DAAM2: variants seen among roughly 807,000 people sequenced by gnomAD.
DAAM2 encodes disheveled-associated activator of morphogenesis 2.
DAAM2 carries 39 observed loss-of-function variants against 120.7 expected under a neutral mutation model. That is an observed-to-expected ratio of 0.32 (90% confidence interval 0.25 to 0.42). DAAM2 has a LOEUF of 0.42. Ranked by LOEUF, DAAM2 falls within the 10% of genes least tolerant of loss-of-function variation. The pLI, the probability that DAAM2 is intolerant of heterozygous loss-of-function variation, is 1.00. For synonymous variants in DAAM2, 488 were observed against 524.9 expected (o/e 0.93, Z 0.96); for missense variants, 1,283 against 1,401.7 (o/e 0.92, Z 1.35).
rs775575733 is a variant in DAAM2, at chr6:39,875,331, C to T, written c.1164C>T (p.Tyr388=). Residue 388 remains tyrosine, a splice_region_variant and synonymous_variant, in exon 11 of 25, where the codon TAC becomes TAT. Coordinates refer to ENST00000274867, the MANE Select transcript of DAAM2 (RefSeq NM_001201427.2). Reference sequence around the variant, plus strand: ...GATATGATACCTGTCATCCCTCAGACAAACGGAACGGTGGCTACTTCCAGC... The same window carrying T: ...GATATGATACCTGTCATCCCTCAGATAAACGGAACGGTGGCTACTTCCAGC... ...SVLHHCLQMP[Y]KRNGGYFQQW... is the part of the protein sequence containing the mutation. 6.2e-7 allele frequency: 1 copy of T among 1,613,382 alleles called. No individual in the cohort carries two copies. Among genetic ancestry groups the T allele is most frequent in the Admixed American group, 1.7e-5 (1 of 59,966 alleles).
intron 1 of DAAM2, among the ~76,000 whole-genome samples, chr6:39,792,819 C>T (rs924502026): frequency 6.6e-6 from 1 of 152,218 alleles, no homozygotes; most frequent in African/African-American, 2.4e-5. Flanking sequence ...TGGACAAACA[C>T]AGAAGATACC....
chr6:39,812,638 C>T (rs1174270892), intron 1 of DAAM2, among the ~76,000 whole-genome samples: 2 of 106,520 alleles, frequency 1.9e-5, no homozygotes, highest in African/African-American at 5.9e-5. Flanking sequence ...GGATGGTGAC[C>T]TCTGACTGTG....
chr6:39,818,181 TTAAAAA>T (rs1278866621), intron 1 of DAAM2, among the ~76,000 whole-genome samples: 2 of 91,600 alleles, frequency 2.2e-5, no homozygotes, highest in African/African-American at 1.0e-4. Flanking sequence ...TGCATCTCAA[TTAAAAA>T]AAAAAAAAAA....
chr6:39,868,779 G>A (rs926080715), intron 6 of DAAM2, 44 bp from the exon 7 acceptor site: 3 of 1,442,240 alleles, frequency 2.1e-6, no homozygotes, highest in Non-Finnish European at 2.9e-6. Flanking sequence ...CACCTGTTGG[G>A]AACTCAGCCC....
At position 39,878,528 on chromosome 6, in the gene DAAM2, G is replaced by A. The variant is rs753178608; in HGVS notation, c.1485G>A (p.Gln495=). ...AGGACAAGCTGGCCCGGGAGTCCCA[G>A]GAGCTGCGCCAGGCTCGGGGACAAG... ...KMKDKLARES[Q]ELRQARGQVA... The change falls in exon 13 of 25, where the codon CAG becomes CAA. Residue 495 remains glutamine (Q), a synonymous_variant. Coordinates refer to ENST00000274867, the MANE Select transcript of DAAM2 (RefSeq NM_001201427.2). This position sits in a 1 kb window ranked among gnomAD's most constrained non-coding sequence, Gnocchi z 5.0. 4 of 1,610,462 alleles carry A rather than the reference G, an allele frequency of 2.5e-6. No individual in the cohort carries two copies. Among genetic ancestry groups the A allele is most frequent in the South Asian group, 1.1e-5 (1 of 90,002 alleles).
intron 14 of DAAM2, 62 bp from the exon 15 acceptor site, chr6:39,883,900 T>C (rs1765249973): frequency 2.8e-6 from 3 of 1,064,710 alleles, no homozygotes; most frequent in South Asian, 1.3e-5. Context: ...TAGGGAGGCA[T>C]GGAGCATCTT....
At chr6:39,813,188 G>A (rs1240877458) in intron 1 of DAAM2, among the ~76,000 whole-genome samples, 1 of 152,022 alleles carries the variant, frequency 6.6e-6, no homozygotes, top group Non-Finnish European at 1.5e-5. Flanking sequence ...GTATGTATGT[G>A]TACACAGTTC....
rs148420867 is a variant in DAAM2, at chr6:39,815,841, C to G, written c.-57+23376C>G. Among the ~76,000 whole-genome samples, 37 of 152,294 alleles carry G rather than the reference C, an allele frequency of 2.4e-4. 1 individual carries two copies. Among genetic ancestry groups the G allele is most frequent in the African/African-American group, 7.2e-4 (30 of 41,584 alleles). On this transcript the variant is annotated intron_variant, in intron 1 of 24. Transcript: ENST00000274867. ...ACCATTTGGTCTTCCTCCTCTCTCC[C>G]TTGGTGCTCACAAGCAACTCACTCA...
At chr6:39,895,275 G>T (rs541325936) in intron 19 of DAAM2, among the ~76,000 whole-genome samples, 2 of 144,334 alleles carry the variant, frequency 1.4e-5, no homozygotes, top group Non-Finnish European at 3.0e-5. Flanking sequence ...TCACTCTGTC[G>T]CCCAGGCTGG....
At chr6:39,821,385 C>G (rs745855132) in intron 1 of DAAM2, 3 of 152,324 alleles carry the variant, frequency 2.0e-5, no homozygotes, top group Non-Finnish European at 4.4e-5. Flanking sequence ...GGGCTCCCAG[C>G]ACCCAGCTCT....
Position 39,904,773 on chromosome 6 carries a change from A to G in DAAM2, c.*2736A>G, listed in dbSNP as rs1372241123. On this transcript the variant is annotated 3_prime_UTR_variant, in exon 25 of 25. Transcript: ENST00000274867. ...GCTGCCTCAGATGACAAATGAGGCT[A>G]ATGGACATAATCTACAGTGTCCTTT... 1 of 454,036 alleles carries G rather than the reference A, an allele frequency of 2.2e-6. No individual in the cohort carries two copies. The highest frequency in any genetic ancestry group is 4.4e-6 in the Non-Finnish European group (1 of 226,800). 28.1% of individuals were successfully genotyped at this position (454,036 alleles called of 1,614,324 possible). A position where few individuals can be genotyped will look rare whatever the true frequency, so the allele number is the denominator to read the frequency against.
chr6:39,878,096 A>G lies in DAAM2; in HGVS notation c.1302-107A>G. On this transcript the variant is annotated intron_variant, in intron 11 of 24. Transcript: ENST00000274867. The surrounding 1 kb of genome is among the most constrained non-coding windows in gnomAD (Gnocchi z 5.0). ...TAGCCCCCTTGATGTGGCTGGACAG[A>G]TTGGAGACCAGGGTCCCCACCTGGA... is the stretch of plus-strand genomic sequence containing the variant. 8.5e-7 allele frequency: 1 copy of G among 1,176,686 alleles called. No homozygotes were observed. The highest frequency in any genetic ancestry group is 1.4e-5 in the South Asian group (1 of 69,864). The allele number at this position is 1,176,686 out of a possible 1,614,324, so 72.9% of individuals were successfully genotyped here. A position where few individuals can be genotyped will look rare whatever the true frequency, so the allele number is the denominator to read the frequency against.
At position 39,902,016 on chromosome 6, in the gene DAAM2, A is replaced by C. The variant is rs759634237; in HGVS notation, c.3186A>C (p.Ala1062=). 6.2e-7 allele frequency: 1 copy of C among 1,608,242 alleles called. No homozygotes were observed. The highest frequency in any genetic ancestry group is 8.5e-7 in the Non-Finnish European group (1 of 1,175,990). The change falls in exon 25 of 25, where the codon GCA becomes GCC. Residue 1062 remains alanine (A), a synonymous_variant. Coordinates refer to ENST00000274867, the MANE Select transcript of DAAM2 (RefSeq NM_001201427.2). ...SQALEVTRER[A]INRLNY is the part of the protein sequence containing the mutation. ...CCCTGGAAGTTACCCGGGAGCGGGC[A>C]ATAAACCGGCTAAATTATTGACCTG...
intron 1 of DAAM2, among the ~76,000 whole-genome samples, chr6:39,831,798 G>GGGTCAGGTGCACTGA (rs1762909115): frequency 1.6e-5 from 1 of 62,858 alleles, no homozygotes. Flanking sequence ...GGTGCACTGG[G>GGGTCAGGTGCACTGA]GGGGGGCAGG....
Position 39,904,260 on chromosome 6 carries a change from A to G in DAAM2, c.*2223A>G, listed in dbSNP as rs1333317503. The G allele has an allele frequency of 2.2e-6, 1 of 456,688 alleles. No individual in the cohort carries two copies. The highest frequency in any genetic ancestry group is 6.9e-5 in the East Asian group (1 of 14,398). The allele number at this position is 456,688 out of a possible 1,614,324, so 28.3% of individuals were successfully genotyped here. ...CGTTGTTCCAGAGCTCAGCCTTCTC[A>G]CTCTAAAAGAAAGATATTTTTCTAT... On this transcript the variant is annotated 3_prime_UTR_variant, in exon 25 of 25. Transcript: ENST00000274867.
At chr6:39,894,160 T>C (rs557583838) in intron 19 of DAAM2, among the ~76,000 whole-genome samples, 11 of 152,346 alleles carry the variant, frequency 7.2e-5, no homozygotes, top group Non-Finnish European at 1.2e-4. Flanking sequence ...ATGAATATAT[T>C]ATTCTTGTGA....
chr6:39,828,018 G>A (rs779912816), intron 1 of DAAM2, among the ~76,000 whole-genome samples: 3 of 152,108 alleles, frequency 2.0e-5, no homozygotes, highest in Non-Finnish European at 2.9e-5. Context: ...CCAATTTCAG[G>A]TAGTAGGGTT....
chr6:39,893,947 T>C (rs1765908776), intron 19 of DAAM2, among the ~76,000 whole-genome samples: 1 of 152,200 alleles, frequency 6.6e-6, no homozygotes, highest in South Asian at 2.1e-4. Context: ...TCTGAGTCCA[T>C]TTGCCAAAAG....
chr6:39,825,799 T>C (rs1473791481), intron 1 of DAAM2, among the ~76,000 whole-genome samples: 2 of 152,122 alleles, frequency 1.3e-5, no homozygotes, highest in Non-Finnish European at 2.9e-5. Context: ...TCTCCTTGGA[T>C]GTGGGATTCT....
Sources: gnomAD v4.1 joint callset for allele counts (sites outside exome capture counted in the v4.1 genomes callset) on GRCh38, gnomAD v4.1.1 for gene constraint, Gnocchi (gnomAD v3.1) non-coding constraint, MANE v1.5 for transcripts, NCBI Gene and HGNC (gene_info 2026-07-23, HGNC 2026-07-21) for gene names.